Variants in MGAM observed in about 807,000 individuals in gnomAD.
MGAM encodes the protein maltase-glucoamylase, also known as alpha-1,4-glucosidase.
MGAM carries 253 observed loss-of-function variants against 358.8 expected under a neutral mutation model. The observed-to-expected ratio is 0.71, with a 90% confidence interval of 0.64 to 0.78. The LOEUF (loss-of-function observed/expected upper bound fraction) is 0.78, where lower values mean the gene tolerates loss of function less well. Among genes scored for constraint, MGAM ranks in the 30% least tolerant of loss-of-function variants. The pLI is 0.00. For synonymous variants in MGAM, 1,105 were observed against 1,227.1 expected (o/e 0.90, Z 2.08); for missense variants, 3,080 against 3,432.6 (o/e 0.90, Z 2.57).
intron 3 of MGAM, among the ~76,000 whole-genome samples, chr7:142,013,593 G>T (rs1162765795): frequency 1.3e-5 from 2 of 152,128 alleles, no homozygotes; most frequent in African/African-American, 4.8e-5. Context: ...TTTCGAGAAA[G>T]TTTCTAGTTG....
chr7:142,099,598 T>G lies in MGAM; in HGVS notation c.7750-15T>G, dbSNP rs1035466292. On this transcript the variant is annotated splice_polypyrimidine_tract_variant and intron_variant, in intron 66 of 70. Transcript: ENST00000475668. ...GTCCTCTCCTTAGTCATCTCTTACC[T>G]TCTTCTGCCTCCAGGGTGTGGATAT... is the stretch of plus-strand genomic sequence containing the variant. The G allele has an allele frequency of 1.2e-6, 2 of 1,613,684 alleles. No individual in the cohort carries two copies. The highest frequency in any genetic ancestry group is 3.3e-5 in the Admixed American group (2 of 59,996).
chr7:142,050,815 G>A lies in MGAM; in HGVS notation c.2756G>A (p.Gly919Asp), dbSNP rs575790209. The change falls in exon 24 of 71, where the codon GGT (glycine) becomes GAT (aspartate). Residue 919 changes from glycine (G) to aspartate (D), a missense_variant. Gly to Asp is a moderately conservative substitution (Grantham distance 94). Around this residue, in one of 5 missense-constraint regions of MGAM, gnomAD observed 1,816 missense variants for 1,840.5 expected, o/e 0.99. Coordinates refer to ENST00000475668, the MANE Select transcript of MGAM (RefSeq NM_001365693.1). ...AGCAATGTTACAGTGAAACACAATG[G>A]TGTCCCAAGTCAGACTTCTCCTACA... ...EPSNVTVKHN[G>D]VPSQTSPTVT... The A allele has an allele frequency of 1.1e-4, 179 of 1,613,752 alleles. 3 individuals carry two copies. The South Asian group carries it at 1.8e-3, about 16-fold the overall frequency.
At chr7:142,045,315 T>A (rs1211014703) in intron 21 of MGAM, among the ~76,000 whole-genome samples, 1 of 63,918 alleles carries the variant, frequency 1.6e-5, no homozygotes, top group Non-Finnish European at 3.3e-5. Context: ...TATGTACCTA[T>A]AATATATGAT....
rs772187068 is a variant in MGAM at position 142,063,578 on chromosome 7, A to G, written c.4337A>G (p.Tyr1446Cys). Reference sequence around the variant, plus strand: ...GACGCCTCTCTGAACCACCCTCCCTACATGCCACGTAAGAAGCCTTGGCCT... The same window carrying G: ...GACGCCTCTCTGAACCACCCTCCCTGCATGCCACGTAAGAAGCCTTGGCCT... ...CRDASLNHPP[Y>C]MPHLESRDRG... Residue 1446 changes from tyrosine to cysteine, a missense_variant, in exon 36 of 71, where the codon TAC becomes TGC. Tyr to Cys is a radical substitution (Grantham distance 194, BLOSUM62 -2). Coordinates refer to ENST00000475668, the MANE Select transcript of MGAM (RefSeq NM_001365693.1). The G allele has an allele frequency of 6.8e-6, 11 of 1,613,292 alleles. No homozygotes were observed. The highest frequency in any genetic ancestry group is 1.3e-5 in the African/African-American group (1 of 74,910).
intron 12 of MGAM, among the ~76,000 whole-genome samples, chr7:142,031,074 G>T (rs1486966607): frequency 6.6e-6 from 1 of 151,848 alleles, no homozygotes; most frequent in East Asian, 1.9e-4. Flanking sequence ...CCCTGATACC[G>T]CTCTGGCAAA....
Position 142,071,832 on chromosome 7 carries a change from G to A in MGAM, c.5186+714G>A, listed in dbSNP as rs533109636. ...TATGTCACTGAATTTTGCTTTATAC[G>A]TAATTGATTCCAAAATTATAGATTC... On this transcript the variant is annotated intron_variant, in intron 44 of 70. Transcript: ENST00000475668. Among the ~76,000 whole-genome samples, 128 of 146,164 alleles carry A rather than the reference G, an allele frequency of 8.8e-4. 8 individuals carry two copies. Among genetic ancestry groups the A allele is most frequent in the African/African-American group, 2.4e-3 (100 of 41,182 alleles).
intron 28 of MGAM, 93 bp downstream of exon 28, chr7:142,055,819 A>G (rs928380517): frequency 4.4e-5 from 69 of 1,574,394 alleles, no homozygotes; most frequent in South Asian, 9.2e-5. Flanking sequence ...CCACTTGGTC[A>G]TCACATTCTG....
At position 142,041,982 on chromosome 7, in the gene MGAM, A is replaced by G. The variant is rs375728134; in HGVS notation, c.2498+1136A>G. 3.0e-3 allele frequency among the ~76,000 whole-genome samples: 40 copies of G among 13,148 alleles called. 2 individuals are homozygous for G. The highest frequency in any genetic ancestry group is 9.4e-3 in the African/African-American group (38 of 4,026). 8.6% of individuals were successfully genotyped at this position (13,148 alleles called of 152,430 possible). On this transcript the variant is annotated intron_variant, in intron 21 of 70. Transcript: ENST00000475668. ...TAATATATATATATTATATATATAT[A>G]ATATAATATATATATATTATATATA...
chr7:142,079,282 G>A (rs1814021771), intron 49 of MGAM, among the ~76,000 whole-genome samples: 1 of 145,766 alleles, frequency 6.9e-6, no homozygotes. Flanking sequence ...GGCAGGTCAA[G>A]TGAGGGCTTA....
chr7:142,045,218 TA>T (rs1563156928), intron 21 of MGAM, among the ~76,000 whole-genome samples: 172 of 5,436 alleles, frequency 0.032, no homozygotes, highest in East Asian at 0.061. Flanking sequence ...AACATATATG[TA>T]TATAATATAT....
rs140305243 is a variant in MGAM at position 142,037,186 on chromosome 7, G to A, written c.2231+209G>A. Among the ~76,000 whole-genome samples the A allele has an allele frequency of 2.8e-4, 42 of 152,264 alleles. No individual in the cohort carries two copies. The East Asian group carries it at 5.8e-3, about 21-fold the overall frequency. On this transcript the variant is annotated intron_variant, in intron 18 of 70. Coordinates refer to ENST00000475668, the MANE Select transcript of MGAM (RefSeq NM_001365693.1). ...TAGTTGGTATTTGTAAGCATCGCCT[G>A]TTCCCTTTTGGTGAGAGAATTAGAC...
rs200215182 is a variant in MGAM, at chr7:142,077,835, G to A, written c.5494-483G>A. Among the ~76,000 whole-genome samples the A allele has an allele frequency of 8.7e-3, 1,261 of 145,304 alleles. 143 individuals are homozygous for A. The South Asian group carries it at 0.099, about 11-fold the overall frequency. On this transcript the variant is annotated intron_variant, in intron 47 of 70. Transcript: ENST00000475668. ...TTTGTCCAATATACTACATAAATGCGAGCATGATAACCAGGTCATATGATT... is the reference window on the plus strand; with the variant it reads ...TTTGTCCAATATACTACATAAATGCAAGCATGATAACCAGGTCATATGATT...
Position 142,103,286 on chromosome 7 carries a change from T to C in MGAM, c.8031T>C (p.His2677=), listed in dbSNP as rs1816588382. The C allele has an allele frequency of 6.2e-7, 1 of 1,607,750 alleles. No homozygotes were observed. The highest frequency in any genetic ancestry group is 1.1e-5 in the South Asian group (1 of 89,750). Residue 2677 remains histidine, a synonymous_variant, in exon 70 of 71, where the codon CAT becomes CAC. Coordinates refer to ENST00000475668, the MANE Select transcript of MGAM (RefSeq NM_001365693.1). Reference sequence around the variant, plus strand: ...TTCAACAGAATACGATGCAAAGCCATATAATTTTCAACAATTACATCACTG... The same window carrying C: ...TTCAACAGAATACGATGCAAAGCCACATAATTTTCAACAATTACATCACTG... ...FSASQNTMQS[H]IIFNNYITGT... is the part of the protein sequence containing the mutation.
chr7:142,088,996 G>GTATGTATGTATGTATC lies in MGAM; in HGVS notation c.6810+2282_6810+2283insGTATGTATGTATCTAT, dbSNP rs771119657. Among the ~76,000 whole-genome samples, 441 of 118,014 alleles carry GTATGTATGTATGTATC rather than the reference G, an allele frequency of 3.7e-3. 13 individuals are homozygous for GTATGTATGTATGTATC. The highest frequency in any genetic ancestry group is 9.8e-3 in the African/African-American group (340 of 34,568). The allele number at this position is 118,014 out of a possible 152,430, so 77.4% of individuals were successfully genotyped here. On this transcript the variant is annotated intron_variant, in intron 57 of 70. Transcript: ENST00000475668. ...TGTATGTATGTATGTATGTATGTAT[G>GTATGTATGTATGTATC]TATCTATCTATCTATCTATCTATCT...
chr7:142,089,796 A>C, intron 57 of MGAM, among the ~76,000 whole-genome samples: 1 of 146,120 alleles, frequency 6.8e-6, no homozygotes, highest in South Asian at 2.2e-4. Flanking sequence ...CAGAAGAAAA[A>C]AAAAGGAAGG....
In MGAM at chr7:142,086,270, G is replaced by T; in HGVS notation, c.6689G>T (p.Gly2230Val). 1 of 1,544,890 alleles carries T rather than the reference G, an allele frequency of 6.5e-7. No homozygotes were observed. The highest frequency in any genetic ancestry group is 8.9e-7 in the Non-Finnish European group (1 of 1,126,386). The change falls in exon 56 of 71, where the codon GGC becomes GTC. Residue 2230 changes from glycine to valine, a missense_variant. Gly to Val is a moderately radical substitution (Grantham distance 109). This residue lies in a region of MGAM where 932 missense variants were observed against 1,198.2 expected (regional missense o/e 0.78). Coordinates refer to ENST00000475668, the MANE Select transcript of MGAM (RefSeq NM_001365693.1). ...CAGCCCTATCCTGCCTTCACTCGGGGCGTGGAGGATGACGTCTTCATCAAG... is the reference window on the plus strand; with the variant it reads ...CAGCCCTATCCTGCCTTCACTCGGGTCGTGGAGGATGACGTCTTCATCAAG... ...ETQPYPAFTRGVEDDVFIKYP... is the reference protein window; with the variant it reads ...ETQPYPAFTRVVEDDVFIKYP...
chr7:142,067,050 G>A (rs78792449), intron 41 of MGAM, among the ~76,000 whole-genome samples: 2,750 of 146,306 alleles, frequency 0.019, 165 homozygotes, highest in African/African-American at 0.063. Context: ...TTCAGCAAGA[G>A]AATTGAGGGA....
At position 142,074,186 on chromosome 7, in the gene MGAM, A is replaced by G. The variant is rs763718219; in HGVS notation, c.5275+13A>G. Reference sequence around the variant, plus strand: ...GGGCAAACAAAGGGTGAGCGCTGTTACAATAATGTTGCTGTTTCCCAACCT... The same window carrying G: ...GGGCAAACAAAGGGTGAGCGCTGTTGCAATAATGTTGCTGTTTCCCAACCT... On this transcript the variant is annotated intron_variant, in intron 45 of 70. Coordinates refer to ENST00000475668, the MANE Select transcript of MGAM (RefSeq NM_001365693.1). 2 of 1,496,688 alleles carry G rather than the reference A, an allele frequency of 1.3e-6. No homozygotes were observed. The highest frequency in any genetic ancestry group is 1.1e-5 in the South Asian group (1 of 87,102). 92.7% of individuals were successfully genotyped at this position (1,496,688 alleles called of 1,614,324 possible).
chr7:142,035,616 A>T (rs1021686648), intron 16 of MGAM, among the ~76,000 whole-genome samples: 4 of 152,218 alleles, frequency 2.6e-5, no homozygotes, highest in Admixed American at 2.6e-4. Flanking sequence ...GAGAAATAAA[A>T]ATGAGCACAA....
Sources: allele counts gnomAD v4.1 joint callset (sites outside exome capture counted in the v4.1 genomes callset), GRCh38; gene constraint gnomAD v4.1.1; regional missense constraint gnomAD v4.1.1; transcripts MANE v1.5; gene names NCBI Gene and HGNC (gene_info 2026-07-23, HGNC 2026-07-21).